Variants in THAP4 observed in about 807,000 individuals in gnomAD.
THAP4 encodes the protein peroxynitrite isomerase THAP4.
A neutral mutation model predicts 48.1 loss-of-function variants in THAP4; 18 were observed. The observed-to-expected ratio is 0.37, with a 90% CI of 0.26 to 0.56. The LOEUF is 0.56. Among genes scored for constraint, THAP4 ranks in the 20% least tolerant of loss-of-function variants. The pLI, the probability that THAP4 is intolerant of heterozygous loss-of-function variation, is 0.78. For synonymous variants in THAP4, 345 were observed against 324.9 expected (o/e 1.06, Z -0.66); for missense variants, 656 against 774.9 (o/e 0.85, Z 1.82).
chr2:241,633,575 G>A lies in THAP4; in HGVS notation c.582C>T (p.Ala194=). 1 of 1,613,712 alleles carries A rather than the reference G, an allele frequency of 6.2e-7. No individual in the cohort carries two copies. Among genetic ancestry groups the A allele is most frequent in the Non-Finnish European group, 8.5e-7 (1 of 1,179,920 alleles). Residue 194 remains alanine, a synonymous_variant, in exon 2 of 6, where the codon GCC becomes GCT. Transcript: ENST00000407315. The surrounding 1 kb of genome is among the most constrained non-coding windows in gnomAD (Gnocchi z 7.5). ...AGSQGKAEAS[A]TDAGDESATS... ...TGGCGCTCTCATCGCCAGCATCTGT[G>A]GCAGACGCTTCTGCTTTTCCCTGAC...
intron 5 of THAP4, among the ~76,000 whole-genome samples, chr2:241,594,440 G>C (rs1450676137): frequency 6.6e-6 from 1 of 152,046 alleles, no homozygotes; most frequent in Non-Finnish European, 1.5e-5. Flanking sequence ...AAATAAAGTA[G>C]CCGTGCTCAT....
At chr2:241,590,883 CGAT>C (rs2066965756) in intron 5 of THAP4, among the ~76,000 whole-genome samples, 1 of 93,260 alleles carries the variant, frequency 1.1e-5, no homozygotes, top group Non-Finnish European at 2.2e-5. Flanking sequence ...GCCCGGCTGA[CGAT>C]GATGGGCACT....
Position 241,637,072 on chromosome 2 carries a change from C to A in THAP4, c.-55G>T. The A allele has an allele frequency of 9.2e-7, 1 of 1,084,730 alleles. No individual in the cohort carries two copies. Among genetic ancestry groups the A allele is most frequent in the Non-Finnish European group, 1.1e-6 (1 of 891,776 alleles). 67.2% of individuals were successfully genotyped at this position (1,084,730 alleles called of 1,614,324 possible). On this transcript the variant is annotated 5_prime_UTR_variant, in exon 1 of 6. Coordinates refer to ENST00000407315, the MANE Select transcript of THAP4 (RefSeq NM_015963.6). ...GCCCCGGCCCTAGCCGCCCGCCCGC[C>A]CGCGGACCGCCCCGAGGGAGGGAGC...
chr2:241,611,724 CAA>C (rs556777493), intron 2 of THAP4, among the ~76,000 whole-genome samples: 135 of 97,608 alleles, frequency 1.4e-3, no homozygotes, highest in Admixed American at 1.5e-3. Context: ...ACTCTGTCTC[CAA>C]AAAAAAAAAA....
chr2:241,621,508 A>G (rs1421498154), intron 2 of THAP4, among the ~76,000 whole-genome samples: 1 of 152,194 alleles, frequency 6.6e-6, no homozygotes, highest in Non-Finnish European at 1.5e-5. Context: ...ACTGAAATGA[A>G]GAATCTCTAA....
intron 2 of THAP4, among the ~76,000 whole-genome samples, chr2:241,609,670 C>T (rs1693585386): frequency 6.6e-6 from 1 of 152,146 alleles, no homozygotes; most frequent in Non-Finnish European, 1.5e-5. Flanking sequence ...GCCTGTAATC[C>T]CAGTTACTCG....
At chr2:241,622,789 G>A (rs2067448200) in intron 2 of THAP4, among the ~76,000 whole-genome samples, 1 of 151,914 alleles carries the variant, frequency 6.6e-6, no homozygotes, top group African/African-American at 2.4e-5. Flanking sequence ...TTTTTGTAGA[G>A]ATGGGGTCTC....
Position 241,603,187 on chromosome 2 carries a change from C to T in THAP4, c.1401-108G>A. 5.2e-6 allele frequency: 4 copies of T among 771,936 alleles called. No homozygotes were observed. In the East Asian group the frequency reaches 1.0e-4, roughly 20 times the overall value. The allele number at this position is 771,936 out of a possible 1,614,324, so 47.8% of individuals were successfully genotyped here. On this transcript the variant is annotated intron_variant, in intron 3 of 5. Transcript: ENST00000407315. ...GTGCCCTCCAGGTGGCTGCTCCAGC[C>T]ACACCCGCACACCTGTCTGCCCCTA...
intron 2 of THAP4, 84 bp from the exon 3 acceptor site, chr2:241,606,557 G>A (rs1443792631): frequency 2.6e-5 from 34 of 1,322,882 alleles, no homozygotes; most frequent in Non-Finnish European, 3.1e-5. Flanking sequence ...GTTCCATATC[G>A]ACGCTTGCTT....
chr2:241,627,935 C>T lies in THAP4; in HGVS notation c.1240+4982G>A, dbSNP rs575171771. On this transcript the variant is annotated intron_variant, in intron 2 of 5. Transcript: ENST00000407315. ...CCCTTCACAGCCCTCCCCACTGACA[C>T]ACTCTCTTTGGAGCCACACTCCCTC... 2.6e-5 allele frequency among the ~76,000 whole-genome samples: 4 copies of T among 152,254 alleles called. No homozygotes were observed. In the South Asian group the frequency reaches 8.3e-4, roughly 32 times the overall value.
At chr2:241,600,719 C>T (rs2067101684) in intron 5 of THAP4, among the ~76,000 whole-genome samples, 1 of 136,850 alleles carries the variant, frequency 7.3e-6, no homozygotes, top group African/African-American at 2.8e-5. Context: ...CAGAGTGAGA[C>T]TCCGTCTCAA....
chr2:241,590,834 G>A (rs1287382635), intron 5 of THAP4, among the ~76,000 whole-genome samples: 1 of 147,244 alleles, frequency 6.8e-6, no homozygotes, highest in Non-Finnish European at 1.5e-5. Flanking sequence ...ACGCAGAGCT[G>A]CCCGGCTGAC....
At chr2:241,625,389 C>T (rs1424233249) in intron 2 of THAP4, among the ~76,000 whole-genome samples, 2 of 150,874 alleles carry the variant, frequency 1.3e-5, no homozygotes, top group South Asian at 2.1e-4. Flanking sequence ...GCAGGTGGGT[C>T]ACCTGAGCCG....
At chr2:241,587,420 A>C (rs1272900870) in intron 5 of THAP4, among the ~76,000 whole-genome samples, 1 of 152,148 alleles carries the variant, frequency 6.6e-6, no homozygotes, top group African/African-American at 2.4e-5. Flanking sequence ...ACCAAGAGTG[A>C]CACCACTGAC....
chr2:241,593,827 C>T (rs548775619), intron 5 of THAP4, among the ~76,000 whole-genome samples: 1 of 152,198 alleles, frequency 6.6e-6, no homozygotes, highest in Non-Finnish European at 1.5e-5. Context: ...GCTGGAACTA[C>T]AGGCATGCCT....
In THAP4 at chr2:241,601,081, C is replaced by T. The variant is rs1275572845; in HGVS notation, c.1614+815G>A. On this transcript the variant is annotated intron_variant, in intron 5 of 5. Transcript: ENST00000407315. The surrounding 1 kb of genome is among the most constrained non-coding windows in gnomAD (Gnocchi z 4.0). Reference sequence around the variant, plus strand: ...ATCACCTGAAGTCAGGAATTCAAGACCAGCCTGACCAACATGGAGAAACCC... The same window carrying T: ...ATCACCTGAAGTCAGGAATTCAAGATCAGCCTGACCAACATGGAGAAACCC... 2.6e-5 allele frequency among the ~76,000 whole-genome samples: 4 copies of T among 152,076 alleles called. No homozygotes were observed. The highest frequency in any genetic ancestry group is 4.4e-5 in the Non-Finnish European group (3 of 68,018).
intron 2 of THAP4, among the ~76,000 whole-genome samples, chr2:241,615,361 C>T (rs1010818479): frequency 6.6e-5 from 10 of 152,114 alleles, no homozygotes; most frequent in Non-Finnish European, 1.2e-4. Flanking sequence ...GAAAAACCTC[C>T]CCAAACAAAT....
At chr2:241,624,212 G>A (rs1163357212) in intron 2 of THAP4, among the ~76,000 whole-genome samples, 1 of 152,244 alleles carries the variant, frequency 6.6e-6, no homozygotes, top group Non-Finnish European at 1.5e-5. Flanking sequence ...AAATAGCCAG[G>A]CGTGGTGGCT....
intron 2 of THAP4, among the ~76,000 whole-genome samples, chr2:241,626,447 AAAAACAAAAAC>A (rs1207667165): frequency 3.3e-5 from 5 of 152,184 alleles, no homozygotes; most frequent in African/African-American, 9.7e-5. Context: ...GTCTCAAAAC[AAAAACAAAAAC>A]AAAACAAAAC....
Sources: gnomAD v4.1 joint callset for allele counts (sites outside exome capture counted in the v4.1 genomes callset) on GRCh38, gnomAD v4.1.1 for gene constraint, Gnocchi (gnomAD v3.1) non-coding constraint, MANE v1.5 for transcripts, NCBI Gene and HGNC (gene_info 2026-07-23, HGNC 2026-07-21) for gene names.